Variants in NOVA1 observed in about 807,000 individuals in gnomAD.
The protein encoded by NOVA1 is NOVA alternative splicing regulator 1.
In NOVA1, 7 loss-of-function variants were observed where a neutral mutation model predicts 38.0. That is an observed-to-expected ratio of 0.18 (90% CI 0.10 to 0.35). NOVA1 has a LOEUF of 0.35. Among genes scored for constraint, NOVA1 ranks in the 10% least tolerant of loss-of-function variants. NOVA1 has a pLI of 1.00. For synonymous variants in NOVA1, 270 were observed against 232.5 expected, an observed-to-expected ratio of 1.16 and a Z score of -1.47; for missense variants, 460 against 616.0, an observed-to-expected ratio of 0.75 and a Z score of 2.68.
intron 2 of NOVA1, among the ~76,000 whole-genome samples, chr14:26,507,822 A>T (rs1007988162): frequency 1.3e-5 from 2 of 152,088 alleles, no homozygotes; most frequent in Non-Finnish European, 2.9e-5. Flanking sequence ...AATTCATCTT[A>T]AAAAACCACT....
intron 2 of NOVA1, among the ~76,000 whole-genome samples, chr14:26,514,311 G>GTAGA (rs1888306075): frequency 6.6e-6 from 1 of 151,570 alleles, no homozygotes; most frequent in Admixed American, 6.6e-5. Context: ...CCATCCATGT[G>GTAGA]TACCTCCTAT....
chr14:26,595,295 T>C (rs747089315), intron 2 of NOVA1, 115 bp downstream of exon 2: 8 of 1,000,490 alleles, frequency 8.0e-6, no homozygotes, highest in Middle Eastern at 2.2e-4. Context: ...TAAAGCAATA[T>C]CTAAATAAAG....
At chr14:26,557,481 C>T (rs1160510629) in intron 2 of NOVA1, among the ~76,000 whole-genome samples, 4 of 152,078 alleles carry the variant, frequency 2.6e-5, no homozygotes, top group Non-Finnish European at 5.9e-5. Context: ...CCCACCTCAG[C>T]CTCCCAAGTA....
At chr14:26,564,907 A>G (rs1051536294) in intron 2 of NOVA1, among the ~76,000 whole-genome samples, 2 of 152,216 alleles carry the variant, frequency 1.3e-5, no homozygotes, top group African/African-American at 4.8e-5. Flanking sequence ...ATTTGTGGAA[A>G]TCTTTCTAAA....
intron 2 of NOVA1, chr14:26,549,610 T>C: frequency 1.7e-6 from 1 of 585,806 alleles, no homozygotes. Flanking sequence ...TTTTAGATGA[T>C]GTTTCCCAGT....
chr14:26,569,327 A>G (rs1430816781), intron 2 of NOVA1, among the ~76,000 whole-genome samples: 1 of 152,234 alleles, frequency 6.6e-6, no homozygotes, highest in Non-Finnish European at 1.5e-5. Context: ...TTTTGAATAC[A>G]GAATATCATA....
intron 4 of NOVA1, among the ~76,000 whole-genome samples, chr14:26,457,817 C>A (rs960200731): frequency 6.6e-6 from 1 of 152,046 alleles, no homozygotes; most frequent in Non-Finnish European, 1.5e-5. Flanking sequence ...TGTATTAGTG[C>A]CCCCAAAGAT....
chr14:26,518,010 T>A (rs1368361587), intron 2 of NOVA1, among the ~76,000 whole-genome samples: 1 of 152,142 alleles, frequency 6.6e-6, no homozygotes, highest in Non-Finnish European at 1.5e-5. Flanking sequence ...GAGACTACAG[T>A]TAATTGGACT....
At chr14:26,494,017 C>T (rs1457822932) in intron 2 of NOVA1, among the ~76,000 whole-genome samples, 1 of 152,186 alleles carries the variant, frequency 6.6e-6, no homozygotes, top group East Asian at 1.9e-4. Context: ...TAAGAGACTG[C>T]TATTCCTCAT....
chr14:26,459,986 C>T lies in NOVA1; in HGVS notation c.520-11023G>A, dbSNP rs976121236. 3.3e-5 allele frequency among the ~76,000 whole-genome samples: 5 copies of T among 151,814 alleles called. No homozygotes were observed. The East Asian group carries it at 5.8e-4, about 18-fold the overall frequency. Reference sequence around the variant, plus strand: ...GAAATGATTTATTAAATTGTAGTTGCTTATGGGTATTTTATATTTACTGAT... The same window carrying T: ...GAAATGATTTATTAAATTGTAGTTGTTTATGGGTATTTTATATTTACTGAT... On this transcript the variant is annotated intron_variant, in intron 4 of 4. Transcript: ENST00000539517.
intron 1 of NOVA1, chr14:26,596,755 G>A (rs1019456988): frequency 2.4e-6 from 3 of 1,255,366 alleles, no homozygotes; most frequent in South Asian, 1.3e-5. Context: ...TATTTGCACC[G>A]ACAATCTAAG....
At position 26,447,166 on chromosome 14, in the gene NOVA1, T is replaced by A. The variant is rs1882145992; in HGVS notation, c.*793A>T. 6.6e-6 allele frequency: 1 copy of A among 152,652 alleles called. No homozygotes were observed. Among genetic ancestry groups the A allele is most frequent in the East Asian group, 1.9e-4 (1 of 5,190 alleles). 9.5% of individuals were successfully genotyped at this position (152,652 alleles called of 1,614,324 possible). Reference sequence around the variant, plus strand: ...CAGTTATGTGTCTAAACAGTGAGGATGTTAATGGAGTAATGACTGTTCTAC... The same window carrying A: ...CAGTTATGTGTCTAAACAGTGAGGAAGTTAATGGAGTAATGACTGTTCTAC... On this transcript the variant is annotated 3_prime_UTR_variant, in exon 5 of 5. Transcript: ENST00000539517.
chr14:26,565,118 G>A (rs1892055235), intron 2 of NOVA1, among the ~76,000 whole-genome samples: 1 of 151,980 alleles, frequency 6.6e-6, no homozygotes, highest in Non-Finnish European at 1.5e-5. Flanking sequence ...CATGCTGAGA[G>A]AATTCACTTT....
At chr14:26,527,959 G>C (rs902171749) in intron 2 of NOVA1, among the ~76,000 whole-genome samples, 1 of 152,130 alleles carries the variant, frequency 6.6e-6, no homozygotes, top group Non-Finnish European at 1.5e-5. Context: ...AAGGTAACTA[G>C]AGCCTAAAAA....
intron 2 of NOVA1, among the ~76,000 whole-genome samples, chr14:26,495,825 C>T (rs1281313822): frequency 1.4e-5 from 2 of 138,462 alleles, no homozygotes; most frequent in African/African-American, 5.1e-5. Flanking sequence ...AGGACATGAA[C>T]TCATCATTTT....
chr14:26,530,606 G>A (rs542781049), intron 2 of NOVA1, among the ~76,000 whole-genome samples: 5 of 152,150 alleles, frequency 3.3e-5, no homozygotes, highest in African/African-American at 1.2e-4. Context: ...TACATCTACT[G>A]TTCTTGAACT....
chr14:26,578,208 T>C (rs1049234544), intron 2 of NOVA1, among the ~76,000 whole-genome samples: 4 of 152,050 alleles, frequency 2.6e-5, no homozygotes, highest in Non-Finnish European at 5.9e-5. Context: ...CAGTGAAAGG[T>C]TGGGTCAAAG....
Position 26,444,944 on chromosome 14 carries a change from G to T in NOVA1, c.*3015C>A, listed in dbSNP as rs1205599255. On this transcript the variant is annotated 3_prime_UTR_variant, in exon 5 of 5. Transcript: ENST00000539517. ...GGACAGCTCCCAGTGTTGAGGAAAA[G>T]ATCTTGGATCTAGAATGAGGTGTCC... 1 of 151,932 alleles carries T rather than the reference G, an allele frequency of 6.6e-6. No homozygotes were observed. The highest frequency in any genetic ancestry group is 1.9e-4 in the East Asian group (1 of 5,168). 9.4% of individuals were successfully genotyped at this position (151,932 alleles called of 1,614,324 possible). A position where few individuals can be genotyped will look rare whatever the true frequency, so the allele number is the denominator to read the frequency against.
At chr14:26,452,680 C>T (rs1882805426) in intron 4 of NOVA1, among the ~76,000 whole-genome samples, 1 of 152,162 alleles carries the variant, frequency 6.6e-6, no homozygotes, top group African/African-American at 2.4e-5. Context: ...AAGAACTGAT[C>T]TTCAACGGCA....
Sources: allele counts gnomAD v4.1 joint callset (sites outside exome capture counted in the v4.1 genomes callset), GRCh38; gene constraint gnomAD v4.1.1; transcripts MANE v1.5; gene names NCBI Gene and HGNC (gene_info 2026-07-23, HGNC 2026-07-21).